Variants in CNTNAP2 observed in about 807,000 individuals in gnomAD.
The protein encoded by CNTNAP2 is contactin-associated protein-like 2.
Under a neutral mutation model 155.2 loss-of-function variants are expected in CNTNAP2, and 98 were observed. The ratio of observed to expected loss-of-function variants is 0.63; its 90% CI spans 0.54 to 0.75. CNTNAP2 has a LOEUF of 0.75. CNTNAP2 is among the 30% of genes least tolerant of loss of function. The pLI is 0.00. For missense variants in CNTNAP2, 1,727 were observed against 1,688.1 expected, an observed-to-expected ratio of 1.02 and a Z score of -0.40; for synonymous variants, 651 against 631.2, an observed-to-expected ratio of 1.03 and a Z score of -0.47.
At chr7:148,293,587 G>T (rs1201144549) in intron 21 of CNTNAP2, among the ~76,000 whole-genome samples, 2 of 152,190 alleles carry the variant, frequency 1.3e-5, no homozygotes, top group Non-Finnish European at 2.9e-5. Flanking sequence ...AGTGTTACTA[G>T]CAAGATGGAT....
At chr7:146,715,594 A>G (rs1801173845) in intron 1 of CNTNAP2, among the ~76,000 whole-genome samples, 1 of 152,168 alleles carries the variant, frequency 6.6e-6, no homozygotes, top group Admixed American at 6.6e-5. Flanking sequence ...ATTCACGTCC[A>G]TTTGGCACTG....
At chr7:147,348,481 A>G (rs1795916201) in intron 9 of CNTNAP2, among the ~76,000 whole-genome samples, 1 of 152,102 alleles carries the variant, frequency 6.6e-6, no homozygotes, top group Non-Finnish European at 1.5e-5. Context: ...TATTATCAAA[A>G]AGATGAAAAA....
intron 2 of CNTNAP2, among the ~76,000 whole-genome samples, chr7:146,778,222 G>A (rs10244837): frequency 0.42 from 64,055 of 152,006 alleles, 16,525 homozygotes; most frequent in African/African-American, 0.73. Flanking sequence ...TATTCCTAAA[G>A]TACATTTTGG....
At chr7:147,030,455 C>T (rs1799008017) in intron 3 of CNTNAP2, among the ~76,000 whole-genome samples, 1 of 152,048 alleles carries the variant, frequency 6.6e-6, no homozygotes, top group Admixed American at 6.5e-5. Context: ...TTTTTAGACA[C>T]CCTCCTATGC....
intron 2 of CNTNAP2, among the ~76,000 whole-genome samples, chr7:146,781,461 C>G (rs1219929453): frequency 6.6e-6 from 1 of 152,072 alleles, no homozygotes. Context: ...CTTTATACCA[C>G]AGCTTGCTCA....
chr7:146,954,923 A>G (rs186459408), intron 3 of CNTNAP2, among the ~76,000 whole-genome samples: 18 of 152,010 alleles, frequency 1.2e-4, no homozygotes, highest in South Asian at 1.0e-3. Context: ...TTTGTCTTAA[A>G]CCATGCAAAG....
At chr7:147,947,393 G>A (rs1338602470) in intron 14 of CNTNAP2, among the ~76,000 whole-genome samples, 5 of 149,200 alleles carry the variant, frequency 3.4e-5, no homozygotes, top group Admixed American at 2.7e-4. Context: ...TGAGGCGGGA[G>A]GATTGCTTGA....
intron 4 of CNTNAP2, among the ~76,000 whole-genome samples, chr7:147,090,439 A>G (rs1044345402): frequency 6.6e-6 from 1 of 151,946 alleles, no homozygotes; most frequent in Non-Finnish European, 1.5e-5. Context: ...GACATGTTTT[A>G]CCTGAATGGG....
At chr7:146,807,231 A>G (rs1183400393) in intron 2 of CNTNAP2, among the ~76,000 whole-genome samples, 1 of 152,344 alleles carries the variant, frequency 6.6e-6, no homozygotes. Context: ...TGTACATCAA[A>G]TTAGAATCTT....
intron 1 of CNTNAP2, among the ~76,000 whole-genome samples, chr7:146,248,576 A>C (rs929534603): frequency 4.6e-5 from 7 of 152,134 alleles, no homozygotes; most frequent in Admixed American, 3.9e-4. Context: ...AAAAGAAGGG[A>C]GAGATTGACG....
At chr7:147,162,364 TA>T in intron 8 of CNTNAP2, among the ~76,000 whole-genome samples, 1 of 152,018 alleles carries the variant, frequency 6.6e-6, no homozygotes, top group African/African-American at 2.4e-5. Context: ...AGTACAAAAT[TA>T]AAAAAAGACT....
At chr7:147,707,934 G>A (rs575623310) in intron 13 of CNTNAP2, among the ~76,000 whole-genome samples, 12 of 152,204 alleles carry the variant, frequency 7.9e-5, no homozygotes, top group African/African-American at 2.6e-4. Flanking sequence ...TGCTGATGGT[G>A]GTCAACTTGG....
intron 1 of CNTNAP2, among the ~76,000 whole-genome samples, chr7:146,707,864 G>A (rs1800992840): frequency 6.6e-6 from 1 of 152,110 alleles, no homozygotes. Context: ...AATGCAACTT[G>A]AGTCTTGATA....
At chr7:147,973,508 T>C (rs1345118823) in intron 14 of CNTNAP2, among the ~76,000 whole-genome samples, 2 of 152,190 alleles carry the variant, frequency 1.3e-5, no homozygotes, top group Non-Finnish European at 2.9e-5. Context: ...TTACAAACAT[T>C]GGTTGATTTG....
intron 3 of CNTNAP2, among the ~76,000 whole-genome samples, chr7:146,854,687 T>A (rs1374851794): frequency 6.6e-6 from 1 of 152,140 alleles, no homozygotes; most frequent in Non-Finnish European, 1.5e-5. Flanking sequence ...GTATAGCACA[T>A]AGTATTATTT....
At chr7:147,566,585 G>A (rs898267965) in intron 12 of CNTNAP2, among the ~76,000 whole-genome samples, 2 of 152,108 alleles carry the variant, frequency 1.3e-5, no homozygotes, top group Admixed American at 1.3e-4. Context: ...TCTTCACAAG[G>A]CGGCAGGAGA....
At chr7:147,815,245 G>A (rs1195089996) in intron 13 of CNTNAP2, among the ~76,000 whole-genome samples, 1 of 152,130 alleles carries the variant, frequency 6.6e-6, no homozygotes, top group East Asian at 1.9e-4. Flanking sequence ...AATTCTATAG[G>A]TCATAAGTCT....
At chr7:146,923,536 C>T (rs187936261) in intron 3 of CNTNAP2, among the ~76,000 whole-genome samples, 1 of 152,138 alleles carries the variant, frequency 6.6e-6, no homozygotes, top group Non-Finnish European at 1.5e-5. Context: ...AATACACACA[C>T]CTCCTTTCTA....
Position 146,875,778 on chromosome 7 carries a change from G to A in CNTNAP2, c.402+35874G>A, listed in dbSNP as rs541130931. ...TTTTTCAGCTTGGCCAGGTGTGGTG[G>A]CTCATGCCTATGATCCCAGCACTTT... On this transcript the variant is annotated intron_variant, in intron 3 of 23. Transcript: ENST00000361727. Among the ~76,000 whole-genome samples the A allele has an allele frequency of 2.6e-5, 4 of 151,252 alleles. No individual in the cohort carries two copies. In the East Asian group the frequency reaches 5.9e-4, roughly 22 times the overall value.
Sources: gnomAD v4.1 joint callset for allele counts (sites outside exome capture counted in the v4.1 genomes callset) on GRCh38, gnomAD v4.1.1 for gene constraint, MANE v1.5 for transcripts, NCBI Gene and HGNC (gene_info 2026-07-23, HGNC 2026-07-21) for gene names.